Variants in WDR13 observed in about 807,000 individuals in gnomAD.
The protein encoded by WDR13 is WD repeat domain 13, also known as WD repeat-containing protein 13.
Under a neutral mutation model 28.6 loss-of-function variants are expected in WDR13, and 1 was observed. The observed-to-expected ratio is 0.03, with a 90% CI of 0.01 to 0.17. WDR13 has a LOEUF of 0.17. WDR13 is among the 10% of genes least tolerant of loss of function. The pLI is 1.00. For synonymous variants in WDR13, 201 were observed against 185.9 expected (o/e 1.08, Z -0.66); for missense variants, 264 against 469.3 (o/e 0.56, Z 4.04).
In WDR13 at chrX:48,598,890, C is replaced by T; in HGVS notation, c.215C>T (p.Pro72Leu). 1.7e-6 allele frequency: 2 copies of T among 1,210,473 alleles called. No homozygotes were observed. The highest frequency in any genetic ancestry group is 2.2e-6 in the Non-Finnish European group (2 of 895,153). Residue 72 changes from proline to leucine, a missense_variant, in exon 3 of 10, where the codon CCA becomes CTA. By Grantham distance (98) the Pro-to-Leu change is moderately conservative. Coordinates refer to ENST00000376729, the MANE Select transcript of WDR13 (RefSeq NM_001347217.2). The part of the protein sequence containing the change: ...LGQRYGPLSE[P>L]GSARAYSNSI... The stretch of plus-strand genomic sequence containing the variant: ...CAGCGCTACGGGCCCCTCTCCGAGC[C>T]AGGCAGTGCTCGTGCCTATAGCAAC...
chrX:48,604,375 C>A lies in WDR13; in HGVS notation c.1258C>A (p.Gln420Lys). 8.3e-7 allele frequency: 1 copy of A among 1,210,136 alleles called. No homozygotes were observed. Among genetic ancestry groups the A allele is most frequent in the Non-Finnish European group, 1.1e-6 (1 of 894,557 alleles). The change falls in exon 9 of 10, where the codon CAG becomes AAG. Residue 420 changes from glutamine to lysine, a missense_variant. Physicochemically the swap from Gln to Lys is moderately conservative, Grantham distance 53. Around this residue, in one of 4 missense-constraint regions of WDR13, gnomAD observed 157 missense variants for 270.2 expected, o/e 0.58. Coordinates refer to ENST00000376729, the MANE Select transcript of WDR13 (RefSeq NM_001347217.2). ...CTTCTGTCCCCTCATGTCCTTCCGC[C>A]AGGGGGCCTGCGTGGGTGAGTCCTG... ...SIFCPLMSFRQGACVVTGSED... is the reference protein window; with the variant it reads ...SIFCPLMSFRKGACVVTGSED...
intron 5 of WDR13, 181 bp downstream of exon 5, chrX:48,599,898 A>G: frequency 1.5e-6 from 1 of 666,043 alleles, no homozygotes; most frequent in Non-Finnish European, 2.2e-6. Flanking sequence ...TCTACTGGAA[A>G]GGGCCTCAGA....
chrX:48,601,906 G>A lies in WDR13; in HGVS notation c.954G>A (p.Leu318=). The A allele has an allele frequency of 8.3e-7, 1 of 1,203,432 alleles. No homozygotes were observed. The highest frequency in any genetic ancestry group is 2.2e-5 in the Admixed American group (1 of 45,225). ...TGTCCTTTGATGCCCCTGGCCGGCT[G>A]CTCTGGGCGGGTGATGACCGTGGCA... is the stretch of plus-strand genomic sequence containing the variant. ...LALSFDAPGR[L]LWAGDDRGSV... is the part of the protein sequence containing the mutation. The change falls in exon 7 of 10, where the codon CTG becomes CTA. Residue 318 remains leucine, a synonymous_variant. Transcript: ENST00000376729.
rs1556993462 is a variant in WDR13, at chrX:48,598,701, C to A, written c.42-16C>A. ...TGTCCTGTGCCTGCTGCCTGCCCTG[C>A]ATCCTGACCCTGCAGGTACAACGCG... On this transcript the variant is annotated splice_polypyrimidine_tract_variant and intron_variant, in intron 2 of 9. Coordinates refer to ENST00000376729, the MANE Select transcript of WDR13 (RefSeq NM_001347217.2). 8 of 1,020,682 alleles carry A rather than the reference C, an allele frequency of 7.8e-6. No homozygotes were observed. Among genetic ancestry groups the A allele is most frequent in the Non-Finnish European group, 1.0e-5 (8 of 777,642 alleles). 84.1% of individuals were successfully genotyped at this position (1,020,682 alleles called of 1,213,427 possible).
intron 1 of WDR13, 160 bp downstream of exon 1, chrX:48,597,774 T>G: frequency 4.3e-6 from 2 of 469,035 alleles, no homozygotes; most frequent in Non-Finnish European, 6.7e-6. Context: ...AATCGCTGTG[T>G]GTCACCCGGG....
intron 2 of WDR13, chrX:48,598,369 C>T: frequency 9.9e-7 from 1 of 1,013,585 alleles, no homozygotes; most frequent in East Asian, 4.2e-5. Context: ...CCATTCTGAC[C>T]CCATCACCTC....
rs782532735 is a variant in WDR13 at position 48,600,285 on chromosome X, G to C, written c.524-34G>C. 7.7e-6 allele frequency: 9 copies of C among 1,163,220 alleles called. No individual in the cohort carries two copies. In the East Asian group the frequency reaches 2.7e-4, roughly 35 times the overall value. On this transcript the variant is annotated intron_variant, in intron 5 of 9. Transcript: ENST00000376729. Reference sequence around the variant, plus strand: ...AGAGAGAAAAGTGCCCAGTGAGTGTGCAGATTCCCACTAATGGCTTCTTGG... The same window carrying C: ...AGAGAGAAAAGTGCCCAGTGAGTGTCCAGATTCCCACTAATGGCTTCTTGG...
rs1280538948 is a variant in WDR13 at position 48,599,602 on chromosome X, G to T, written c.408G>T (p.Val136=). The part of the protein sequence containing the change: ...AVYEDRPPGS[V]VPTSAAEASR... Reference sequence around the variant, plus strand: ...TGGGGCCCAGGCCCCCTGGCAGCGTGGTGCCCACGTCAGCAGCAGAGGCAA... The same window carrying T: ...TGGGGCCCAGGCCCCCTGGCAGCGTTGTGCCCACGTCAGCAGCAGAGGCAA... Residue 136 remains valine (V), a synonymous_variant, in exon 5 of 10, where the codon GTG becomes GTT. Transcript: ENST00000376729. The T allele has an allele frequency of 6.6e-6, 8 of 1,211,870 alleles. No homozygotes were observed. The African/African-American group carries it at 1.2e-4, about 18-fold the overall frequency.
At chrX:48,598,992 C>T in intron 3 of WDR13, 35 bp downstream of exon 3, 1 of 1,170,762 alleles carries the variant, frequency 8.5e-7, no homozygotes, top group South Asian at 1.9e-5. Context: ...CCGGGCATAC[C>T]CTGCCTGCAC....
intron 8 of WDR13, among the ~76,000 whole-genome samples, chrX:48,603,689 C>T (rs1226691167): frequency 3.6e-5 from 4 of 110,585 alleles, no homozygotes; most frequent in South Asian, 3.8e-4. Context: ...TCCTACATTT[C>T]GAGTTTCTCA....
At chrX:48,600,871 G>A (rs1049702527) in intron 6 of WDR13, 10 of 388,289 alleles carry the variant, frequency 2.6e-5, no homozygotes, top group East Asian at 1.3e-4. Flanking sequence ...GGAGGCGGGC[G>A]GATCACGAGG....
intron 1 of WDR13, 122 bp from the exon 2 acceptor site, chrX:48,597,836 G>T: frequency 1.1e-6 from 1 of 919,274 alleles, no homozygotes; most frequent in Non-Finnish European, 1.5e-6. Flanking sequence ...ACACCCGGGG[G>T]GGAGTTCGTG....
intron 8 of WDR13, 66 bp from the exon 9 acceptor site, chrX:48,604,206 A>G (rs1384884443): frequency 9.7e-7 from 1 of 1,028,053 alleles, no homozygotes; most frequent in African/African-American, 1.8e-5. Flanking sequence ...GTGGGGACAC[A>G]GGCCCACAAC....
chrX:48,597,855 G>A, intron 1 of WDR13, 103 bp from the exon 2 acceptor site: 2 of 1,019,556 alleles, frequency 2.0e-6, no homozygotes, highest in Non-Finnish European at 2.6e-6. Context: ...TGACATCTCC[G>A]GCGCGGAGGG....
chrX:48,606,374 GT>G lies in WDR13; in HGVS notation c.*1345del, dbSNP rs2062221041. ...TCCCAACCCTTCTGTGCATTGTGTT[GT>G]TTATTAAAAGCAGGGAGCAGAGGTG... On this transcript the variant is annotated 3_prime_UTR_variant, in exon 10 of 10. Coordinates refer to ENST00000376729, the MANE Select transcript of WDR13 (RefSeq NM_001347217.2). 9.0e-6 allele frequency: 1 copy of G among 110,830 alleles called. No individual in the cohort carries two copies. The highest frequency in any genetic ancestry group is 3.3e-5 in the African/African-American group (1 of 30,386). The allele number at this position is 110,830 out of a possible 1,213,427, so 9.1% of individuals were successfully genotyped here.
rs2147223881 is a variant in WDR13, at chrX:48,600,596, C to A, written c.801C>A (p.Thr267=). Residue 267 remains threonine, a synonymous_variant, in exon 6 of 10, where the codon ACC becomes ACA. Transcript: ENST00000376729. Reference sequence around the variant, plus strand: ...ATAGCGCTGAACTGCTCTGCTGCACCTTCCAGCCTGTCAACAACAACCTCA... The same window carrying A: ...ATAGCGCTGAACTGCTCTGCTGCACATTCCAGCCTGTCAACAACAACCTCA... ...DPDSAELLCC[T]FQPVNNNLTV... The A allele has an allele frequency of 8.3e-7, 1 of 1,209,239 alleles. No individual in the cohort carries two copies. Among genetic ancestry groups the A allele is most frequent in the South Asian group, 1.8e-5 (1 of 56,550 alleles).
chrX:48,598,248 G>A (rs1556993263), intron 2 of WDR13: 2 of 1,091,910 alleles, frequency 1.8e-6, no homozygotes, highest in African/African-American at 3.8e-5. Context: ...GTGGTCAGAT[G>A]TGGGCATGCG....
intron 6 of WDR13, among the ~76,000 whole-genome samples, chrX:48,601,444 A>G (rs1409681016): frequency 8.9e-6 from 1 of 112,210 alleles, no homozygotes; most frequent in African/African-American, 3.2e-5. Context: ...CAGCCCCACA[A>G]GTTCCAGAAA....
chrX:48,598,402 C>G (rs1374029505), intron 2 of WDR13: 1 of 1,008,671 alleles, frequency 9.9e-7, no homozygotes, highest in African/African-American at 2.0e-5. Context: ...CCCATAATGT[C>G]AGTCTGATTT....
Sources: gnomAD v4.1 joint callset for allele counts (sites outside exome capture counted in the v4.1 genomes callset) on GRCh38, gnomAD v4.1.1 for gene constraint, gnomAD v4.1.1 regional missense constraint, MANE v1.5 for transcripts, NCBI Gene and HGNC (gene_info 2026-07-23, HGNC 2026-07-21) for gene names.